A2ML1: variants seen among roughly 807,000 people sequenced by gnomAD.
A2ML1 encodes the protein alpha-2-macroglobulin like 1.
Under a neutral mutation model 181.9 loss-of-function variants are expected in A2ML1, and 161 were observed. The observed-to-expected ratio is 0.89, with a 90% CI of 0.78 to 1.01. The LOEUF is 1.01. Among genes scored for constraint, A2ML1 ranks in the 50% least tolerant of loss-of-function variants. The pLI, the probability that A2ML1 is intolerant of heterozygous loss-of-function variation, is 0.00. For synonymous variants in A2ML1, 663 were observed against 666.8 expected (o/e 0.99, Z 0.09); for missense variants, 1,670 against 1,768.1 (o/e 0.94, Z 1.00).
chr12:8,869,637 T>A (rs758314621), intron 33 of A2ML1, among the ~76,000 whole-genome samples: 2 of 152,178 alleles, frequency 1.3e-5, no homozygotes, highest in South Asian at 4.2e-4. Flanking sequence ...TGTCAGTGCA[T>A]CTCAATTCTG....
chr12:8,866,499 A>T (rs746261228), intron 29 of A2ML1, among the ~76,000 whole-genome samples: 1 of 152,188 alleles, frequency 6.6e-6, no homozygotes, highest in South Asian at 2.1e-4. Context: ...GCAGTGGGTG[A>T]AATGTTTACA....
At chr12:8,842,304 G>A (rs920088499) in intron 11 of A2ML1, among the ~76,000 whole-genome samples, 4 of 150,582 alleles carry the variant, frequency 2.7e-5, no homozygotes, top group East Asian at 1.9e-4. Flanking sequence ...TGCAAGCTCC[G>A]CCTCCCCGGT....
intron 33 of A2ML1, 125 bp from the exon 34 acceptor site, chr12:8,874,300 G>A (rs12321050): frequency 1.2e-5 from 8 of 668,614 alleles, no homozygotes; most frequent in Non-Finnish European, 2.0e-5. Context: ...AGAGGCATGA[G>A]CCACCGTGCC....
rs757207595 is a variant in A2ML1 at position 8,857,618 on chromosome 12, G to A, written c.3107+30G>A. ...TATCACCCAATTCCCAATGAGTTCT[G>A]TACTCCAGAGCATAATTCCTGAGCC... is the stretch of plus-strand genomic sequence containing the variant. On this transcript the variant is annotated intron_variant, in intron 25 of 35. Coordinates refer to ENST00000299698, the MANE Select transcript of A2ML1 (RefSeq NM_144670.6). 2.5e-6 allele frequency: 4 copies of A among 1,594,692 alleles called. No individual in the cohort carries two copies. The East Asian group carries it at 9.0e-5, about 36-fold the overall frequency.
At chr12:8,830,178 A>G (rs771888487) in intron 4 of A2ML1, among the ~76,000 whole-genome samples, 20 of 152,122 alleles carry the variant, frequency 1.3e-4, no homozygotes, top group African/African-American at 4.6e-4. Context: ...CGGCCTCCCA[A>G]ATAGTTGGAA....
intron 31 of A2ML1, 29 bp from the exon 32 acceptor site, chr12:8,868,508 C>T (rs775289509): frequency 5.0e-5 from 80 of 1,610,798 alleles, no homozygotes; most frequent in Non-Finnish European, 6.5e-5. Context: ...GTAATAGGCT[C>T]ACATGTGTTT....
At chr12:8,829,873 C>A (rs1943055040) in intron 4 of A2ML1, 94 bp downstream of exon 4, 2 of 1,501,544 alleles carry the variant, frequency 1.3e-6, no homozygotes, top group Non-Finnish European at 1.8e-6. Context: ...CTGGGCGTGG[C>A]AAGGCGAGGC....
Position 8,839,105 on chromosome 12 carries a change from C to G in A2ML1, c.971-8C>G. The stretch of plus-strand genomic sequence containing the variant: ...CTAGATCTTTATACATCTGGTTTCC[C>G]TCTGCAGGTGTGGAGGCCAATGCCA... On this transcript the variant is annotated splice_polypyrimidine_tract_variant and splice_region_variant and intron_variant, in intron 9 of 35. Coordinates refer to ENST00000299698, the MANE Select transcript of A2ML1 (RefSeq NM_144670.6). 1.9e-6 allele frequency: 3 copies of G among 1,598,740 alleles called. No homozygotes were observed. Among genetic ancestry groups the G allele is most frequent in the Non-Finnish European group, 2.6e-6 (3 of 1,168,928 alleles).
chr12:8,855,173 G>A lies in A2ML1; in HGVS notation c.2765-336G>A, dbSNP rs1057323029. Reference sequence around the variant, plus strand: ...CTCCCAAAGTGCTGGGATTACAGGCGTGAGCCACTGCACCCGGCAGCAGGA... The same window carrying A: ...CTCCCAAAGTGCTGGGATTACAGGCATGAGCCACTGCACCCGGCAGCAGGA... On this transcript the variant is annotated intron_variant, in intron 22 of 35. Coordinates refer to ENST00000299698, the MANE Select transcript of A2ML1 (RefSeq NM_144670.6). Among the ~76,000 whole-genome samples the A allele has an allele frequency of 4.5e-4, 69 of 152,128 alleles. 4 individuals carry two copies.
intron 3 of A2ML1, among the ~76,000 whole-genome samples, chr12:8,828,501 G>T (rs781588033): frequency 1.3e-5 from 2 of 152,100 alleles, no homozygotes; most frequent in Non-Finnish European, 2.9e-5. Flanking sequence ...TCAGGGCAGT[G>T]AGCTCTCCTC....
In A2ML1 at chr12:8,868,554, G is replaced by T. The variant is rs751230741; in HGVS notation, c.4079G>T (p.Ser1360Ile). 6 of 1,613,872 alleles carry T rather than the reference G, an allele frequency of 3.7e-6. No individual in the cohort carries two copies. The highest frequency in any genetic ancestry group is 5.1e-6 in the Non-Finnish European group (6 of 1,180,018). ...GCTCTCAGTTATGTGGGGAGCCGTA[G>T]CTCTTCCAATATGGCTATTGTGGAA... ...TIHTSYVGSR[S>I]SSNMAIVEVK... Residue 1360 changes from serine (S) to isoleucine (I), a missense_variant, in exon 32 of 36, where the codon AGC becomes ATC. Transcript: ENST00000299698.
At chr12:8,823,612 A>AC in intron 2 of A2ML1, 108 bp from the exon 3 acceptor site, 2 of 1,257,938 alleles carry the variant, frequency 1.6e-6, no homozygotes, top group East Asian at 4.7e-5. Flanking sequence ...TATCCTTGCT[A>AC]CCCCCATCTA....
intron 20 of A2ML1, among the ~76,000 whole-genome samples, chr12:8,853,872 A>G (rs575326670): frequency 6.6e-6 from 1 of 152,132 alleles, no homozygotes; most frequent in Non-Finnish European, 1.5e-5. Flanking sequence ...CTCACACTCA[A>G]TGGATGTAAA....
rs116957560 is a variant in A2ML1, at chr12:8,852,617, A to G, written c.2590+281A>G. ...TCATGTAACTAATCAAGGACTTACTATAAGAGTCCCTGGGCCAGGCACTAT... is the reference window on the plus strand; with the variant it reads ...TCATGTAACTAATCAAGGACTTACTGTAAGAGTCCCTGGGCCAGGCACTAT... On this transcript the variant is annotated intron_variant, in intron 20 of 35. Coordinates refer to ENST00000299698, the MANE Select transcript of A2ML1 (RefSeq NM_144670.6). This position sits in a 1 kb window ranked among gnomAD's most constrained non-coding sequence, Gnocchi z 4.2. 5.8e-4 allele frequency among the ~76,000 whole-genome samples: 89 copies of G among 152,350 alleles called. No homozygotes were observed. The East Asian group carries it at 0.015, about 25-fold the overall frequency.
In A2ML1 at chr12:8,868,283, T is replaced by C. The variant is rs1294552416; in HGVS notation, c.3987T>C (p.Leu1329=). The C allele has an allele frequency of 1.1e-5, 17 of 1,613,890 alleles. No homozygotes were observed. Among genetic ancestry groups the C allele is most frequent in the African/African-American group, 1.3e-5 (1 of 74,906 alleles). Residue 1329 remains leucine, a synonymous_variant, in exon 31 of 36, where the codon CTT becomes CTC. Transcript: ENST00000299698. Reference sequence around the variant, plus strand: ...CCACAAATATGAAGACCTTTAGTCTTAGTGTGGAAATAGGAAAAGCTAGAT... The same window carrying C: ...CCACAAATATGAAGACCTTTAGTCTCAGTGTGGAAATAGGAAAAGCTAGAT... The part of the protein sequence containing the change: ...LPPTNMKTFS[L]SVEIGKARCE...
chr12:8,886,724 G>A (rs1944924617), exon 8 of A2ML1: 1 of 152,094 alleles, frequency 6.6e-6, no homozygotes, highest in African/African-American at 2.4e-5. Flanking sequence ...TTGTAACTGT[G>A]TTCTTCCTCT....
At chr12:8,844,657 G>A (rs1224165061) in intron 12 of A2ML1, among the ~76,000 whole-genome samples, 1 of 151,738 alleles carries the variant, frequency 6.6e-6, no homozygotes, top group Non-Finnish European at 1.5e-5. Flanking sequence ...TCTCCCCTCT[G>A]GATCATTGCA....
In A2ML1 at chr12:8,861,293, C is replaced by T; in HGVS notation, c.3498C>T (p.Ile1166=). Residue 1166 remains isoleucine, a synonymous_variant, in exon 28 of 36, where the codon ATC becomes ATT. Coordinates refer to ENST00000299698, the MANE Select transcript of A2ML1 (RefSeq NM_144670.6). ...AACAGTTAGATCAACAGGCTATCAT[C>T]TCAGGTATGTTGGTCCTGTTGAGAG... ...LLKQLDQQAI[I]SGESIYWSQK... 6.2e-7 allele frequency: 1 copy of T among 1,613,996 alleles called. No individual in the cohort carries two copies. Among genetic ancestry groups the T allele is most frequent in the Non-Finnish European group, 8.5e-7 (1 of 1,179,994 alleles).
chr12:8,848,685 T>C, intron 15 of A2ML1, 35 bp from the exon 16 acceptor site: 1 of 1,547,066 alleles, frequency 6.5e-7, no homozygotes, highest in Non-Finnish European at 8.8e-7. Context: ...TATCACTATA[T>C]CAATGCTTTA....
Sources: allele counts gnomAD v4.1 joint callset (sites outside exome capture counted in the v4.1 genomes callset), GRCh38; gene constraint gnomAD v4.1.1; non-coding constraint Gnocchi (gnomAD v3.1); transcripts MANE v1.5; gene names NCBI Gene and HGNC (gene_info 2026-07-23, HGNC 2026-07-21).